The following PDE1C variants were observed in gnomAD, a reference collection of about 807,000 sequenced individuals.
The protein encoded by PDE1C is phosphodiesterase 1C.
Under a neutral mutation model 93.1 loss-of-function variants are expected in PDE1C, and 62 were observed. That is an observed-to-expected ratio of 0.67 (90% CI 0.54 to 0.82). PDE1C has a LOEUF of 0.82. Ranked by LOEUF, PDE1C falls within the 40% of genes least tolerant of loss-of-function variation. PDE1C has a pLI of 0.00. For synonymous variants in PDE1C, 325 were observed against 310.1 expected, an observed-to-expected ratio of 1.05 and a Z score of -0.50; for missense variants, 742 against 884.6, an observed-to-expected ratio of 0.84 and a Z score of 2.04.
At chr7:31,869,110 C>A (rs1795633175) in intron 6 of PDE1C, among the ~76,000 whole-genome samples, 1 of 152,022 alleles carries the variant, frequency 6.6e-6, no homozygotes. Context: ...AAAAAACTCA[C>A]TGGTAAAGCA....
At chr7:32,209,689 G>A (rs1391606162) in intron 1 of PDE1C, 2 of 633,674 alleles carry the variant, frequency 3.2e-6, no homozygotes, top group African/African-American at 3.7e-5. Context: ...CTCCCTCCGT[G>A]TCTGTATTTC....
At chr7:31,978,091 C>T (rs1811899141) in intron 2 of PDE1C, among the ~76,000 whole-genome samples, 1 of 152,168 alleles carries the variant, frequency 6.6e-6, no homozygotes, top group African/African-American at 2.4e-5. Flanking sequence ...CAAATCCAGG[C>T]TGTCCAACTC....
At chr7:31,988,995 C>CAAAAAAAAAA (rs36081234) in intron 2 of PDE1C, among the ~76,000 whole-genome samples, 1 of 34,168 alleles carries the variant, frequency 2.9e-5, no homozygotes, top group Non-Finnish European at 5.5e-5. Context: ...AACTTCTTCT[C>CAAAAAAAAAA]AAAAAAAAAA....
intron 2 of PDE1C, among the ~76,000 whole-genome samples, chr7:32,019,001 C>T (rs1788285819): frequency 6.6e-6 from 1 of 151,836 alleles, no homozygotes; most frequent in Non-Finnish European, 1.5e-5. Context: ...ATTCACACCC[C>T]CACCCCATGC....
At chr7:32,257,986 A>G (rs1246159980) in intron 1 of PDE1C, among the ~76,000 whole-genome samples, 1 of 152,278 alleles carries the variant, frequency 6.6e-6, no homozygotes, top group Non-Finnish European at 1.5e-5. Flanking sequence ...TGCTCAGGCA[A>G]ATTGGATAAT....
chr7:32,412,038 C>T (rs2128098037), intron 1 of PDE1C, among the ~76,000 whole-genome samples: 1 of 152,268 alleles, frequency 6.6e-6, no homozygotes, highest in South Asian at 2.1e-4. Flanking sequence ...ATGAAGATGT[C>T]ACCTCCTATG....
intron 2 of PDE1C, among the ~76,000 whole-genome samples, chr7:31,960,613 T>C (rs1808808769): frequency 1.3e-5 from 2 of 152,160 alleles, no homozygotes; most frequent in African/African-American, 2.4e-5. Context: ...GTACTGCTTA[T>C]CTCAAATGGT....
At chr7:31,966,613 T>C (rs1810007755) in intron 2 of PDE1C, among the ~76,000 whole-genome samples, 2 of 152,210 alleles carry the variant, frequency 1.3e-5, no homozygotes, top group South Asian at 4.1e-4. Context: ...GCAGACCTAA[T>C]AGACATCTAC....
chr7:31,928,250 A>T (rs1232960603), intron 2 of PDE1C, among the ~76,000 whole-genome samples: 1 of 152,104 alleles, frequency 6.6e-6, no homozygotes, highest in Non-Finnish European at 1.5e-5. Context: ...AAAAAGAATG[A>T]AAAGGAACAA....
chr7:32,229,365 T>A (rs548220846), intron 1 of PDE1C, among the ~76,000 whole-genome samples: 5 of 152,104 alleles, frequency 3.3e-5, no homozygotes, highest in Non-Finnish European at 7.4e-5. Context: ...AGTCAACAGA[T>A]TTATATATGT....
chr7:32,059,949 G>C (rs986831299), intron 1 of PDE1C, among the ~76,000 whole-genome samples: 4 of 152,166 alleles, frequency 2.6e-5, no homozygotes, highest in Non-Finnish European at 5.9e-5. Flanking sequence ...GGGAATGGAA[G>C]CAATTTTTAC....
intron 2 of PDE1C, among the ~76,000 whole-genome samples, chr7:31,883,373 T>C (rs1361175148): frequency 6.6e-6 from 1 of 152,186 alleles, no homozygotes; most frequent in African/African-American, 2.4e-5. Flanking sequence ...TAACTCAAAC[T>C]GTACCAAATG....
At chr7:31,754,045 TA>T (rs1794285177) in intron 17 of PDE1C, among the ~76,000 whole-genome samples, 1 of 150,862 alleles carries the variant, frequency 6.6e-6, no homozygotes, top group South Asian at 2.1e-4. Context: ...AAAGAATTCT[TA>T]AAGCTCAAGA....
At chr7:31,812,133 A>T (rs907608716) in intron 15 of PDE1C, among the ~76,000 whole-genome samples, 1 of 152,134 alleles carries the variant, frequency 6.6e-6, no homozygotes. Context: ...CCGAACCACC[A>T]TTAGGCTTTC....
intron 2 of PDE1C, among the ~76,000 whole-genome samples, chr7:31,916,666 T>A (rs1216642197): frequency 1.3e-5 from 2 of 152,244 alleles, no homozygotes; most frequent in Non-Finnish European, 2.9e-5. Flanking sequence ...CACCAGGTCC[T>A]GCTTTAGGTG....
chr7:32,297,731 G>T (rs929362317), intron 1 of PDE1C, among the ~76,000 whole-genome samples: 2 of 152,232 alleles, frequency 1.3e-5, no homozygotes, highest in Admixed American at 6.5e-5. Flanking sequence ...GCCACTGGGA[G>T]TCCCAAGGGC....
chr7:32,345,311 A>G (rs1224701026), intron 1 of PDE1C, among the ~76,000 whole-genome samples: 2 of 152,230 alleles, frequency 1.3e-5, no homozygotes, highest in Non-Finnish European at 2.9e-5. Flanking sequence ...AACCCTGGTT[A>G]GTGTAAAATC....
intron 17 of PDE1C, among the ~76,000 whole-genome samples, chr7:31,762,828 A>G (rs1236183485): frequency 6.6e-6 from 1 of 152,192 alleles, no homozygotes; most frequent in Non-Finnish European, 1.5e-5. Flanking sequence ...AACGGCCACT[A>G]GTATGGTATG....
chr7:31,652,350 A>G, the PDE1C span, among the ~76,000 whole-genome samples: 1 of 152,130 alleles, frequency 6.6e-6, no homozygotes, highest in East Asian at 1.9e-4. Flanking sequence ...AGTGAAGCTC[A>G]TCTTTGTAGC....
Sources: gnomAD v4.1 joint callset for allele counts (sites outside exome capture counted in the v4.1 genomes callset) on GRCh38, gnomAD v4.1.1 for gene constraint, MANE v1.5 for transcripts, NCBI Gene and HGNC (gene_info 2026-07-23, HGNC 2026-07-21) for gene names.